Variants in NRF1 observed in about 807,000 individuals in gnomAD.
NRF1 encodes the protein alpha palindromic-binding protein.
Under a neutral mutation model 58.5 loss-of-function variants are expected in NRF1, and 5 were observed. The ratio of observed to expected loss-of-function variants is 0.09; its 90% confidence interval spans 0.04 to 0.18. The LOEUF is 0.18. NRF1 is among the 10% of genes least tolerant of loss of function. The probability of loss-of-function intolerance (pLI) is 1.00; values close to 1 mark genes in which losing one functional copy is unlikely to be tolerated. For missense variants in NRF1, 288 were observed against 657.7 expected, an observed-to-expected ratio of 0.44 and a Z score of 6.15; for synonymous variants, 224 against 246.7, an observed-to-expected ratio of 0.91 and a Z score of 0.86.
intron 2 of NRF1, among the ~76,000 whole-genome samples, chr7:129,663,492 G>GAT (rs1801840170): frequency 6.6e-6 from 1 of 151,026 alleles, no homozygotes; most frequent in African/African-American, 2.4e-5. Context: ...CCTCCCAGAC[G>GAT]GGGCGGCCGG....
intron 5 of NRF1, among the ~76,000 whole-genome samples, chr7:129,706,713 C>T (rs923826757): frequency 6.6e-6 from 1 of 151,978 alleles, no homozygotes; most frequent in African/African-American, 2.4e-5. Flanking sequence ...GTGGGAGAGC[C>T]GAAGGAAGAC....
intron 5 of NRF1, among the ~76,000 whole-genome samples, chr7:129,696,055 T>C (rs74990810): frequency 0.34 from 31,057 of 90,410 alleles, 6,424 homozygotes; most frequent in Middle Eastern, 0.46. Context: ...AAACCCCGTC[T>C]CTACTAAAAA....
intron 8 of NRF1, among the ~76,000 whole-genome samples, chr7:129,715,519 G>C (rs745361490): frequency 1.3e-5 from 2 of 152,160 alleles, no homozygotes. Flanking sequence ...ATTAGTTTCT[G>C]AGTTTAGCAG....
chr7:129,634,041 A>AAAATTTT (rs1163693215), intron 1 of NRF1, among the ~76,000 whole-genome samples: 4 of 113,808 alleles, frequency 3.5e-5, no homozygotes, highest in African/African-American at 1.5e-4. Context: ...AAAAAAAAAA[A>AAAATTTT]AGATATATAT....
At chr7:129,699,850 T>A (rs1278048725) in intron 5 of NRF1, among the ~76,000 whole-genome samples, 1 of 151,510 alleles carries the variant, frequency 6.6e-6, no homozygotes, top group Non-Finnish European at 1.5e-5. Context: ...TTTAAAGTTC[T>A]AGAAATAGGC....
At chr7:129,692,412 C>A (rs1802591447) in intron 5 of NRF1, among the ~76,000 whole-genome samples, 2 of 151,894 alleles carry the variant, frequency 1.3e-5, no homozygotes, top group Admixed American at 6.5e-5. Flanking sequence ...TTAGCTGGGG[C>A]CATGGTGGTG....
chr7:129,627,074 T>C (rs1431318905), intron 1 of NRF1, among the ~76,000 whole-genome samples: 1 of 152,242 alleles, frequency 6.6e-6, no homozygotes, highest in African/African-American at 2.4e-5. Flanking sequence ...AGTTTCCCTT[T>C]CTGGAAACCA....
intron 2 of NRF1, among the ~76,000 whole-genome samples, chr7:129,663,457 G>T (rs1324303067): frequency 2.7e-5 from 4 of 147,666 alleles, no homozygotes; most frequent in Admixed American, 2.0e-4. Context: ...CCAGACAATG[G>T]GCGGCCGAGC....
intron 1 of NRF1, among the ~76,000 whole-genome samples, chr7:129,649,315 C>T (rs1043654597): frequency 6.6e-6 from 1 of 152,134 alleles, no homozygotes; most frequent in Non-Finnish European, 1.5e-5. Flanking sequence ...TCCCCCCACC[C>T]CACCCCGGGT....
At chr7:129,710,264 A>AGGTTT in intron 6 of NRF1, 110 bp from the exon 7 acceptor site, 1 of 901,580 alleles carries the variant, frequency 1.1e-6, no homozygotes, top group South Asian at 1.5e-5. Flanking sequence ...GTCTAATAAG[A>AGGTTT]GGTTTGGTTT....
At chr7:129,645,866 C>T (rs772648213) in intron 1 of NRF1, among the ~76,000 whole-genome samples, 48 of 152,076 alleles carry the variant, frequency 3.2e-4, no homozygotes, top group Non-Finnish European at 6.2e-4. Context: ...TTTATGTATT[C>T]TGAGATACAG....
At chr7:129,671,870 A>G (rs1034995498) in intron 3 of NRF1, among the ~76,000 whole-genome samples, 1 of 152,214 alleles carries the variant, frequency 6.6e-6, no homozygotes, top group Non-Finnish European at 1.5e-5. Context: ...GAAAAAAACA[A>G]TATGCAATAT....
chr7:129,738,499 GT>G (rs751865207), intron 10 of NRF1, among the ~76,000 whole-genome samples: 1 of 152,168 alleles, frequency 6.6e-6, no homozygotes, highest in African/African-American at 2.4e-5. Context: ...AAGATGAATC[GT>G]TTTCATTCTG....
chr7:129,643,494 G>A (rs1429382270), intron 1 of NRF1, among the ~76,000 whole-genome samples: 3 of 152,192 alleles, frequency 2.0e-5, no homozygotes, highest in South Asian at 2.1e-4. Context: ...TAATTTGGGA[G>A]CAGCTGTGGA....
intron 1 of NRF1, among the ~76,000 whole-genome samples, chr7:129,655,785 G>T (rs1392867298): frequency 6.6e-6 from 1 of 152,126 alleles, no homozygotes; most frequent in Non-Finnish European, 1.5e-5. Flanking sequence ...GCCTCCCAAA[G>T]TGCTGGGATT....
intron 3 of NRF1, among the ~76,000 whole-genome samples, chr7:129,672,086 G>C (rs1363475588): frequency 6.6e-6 from 1 of 152,088 alleles, no homozygotes; most frequent in Non-Finnish European, 1.5e-5. Flanking sequence ...CTCAGGCAGG[G>C]TGAGTATCAA....
At chr7:129,658,619 G>C (rs1584615034) in intron 2 of NRF1, among the ~76,000 whole-genome samples, 2 of 149,100 alleles carry the variant, frequency 1.3e-5, no homozygotes, top group East Asian at 1.9e-4. Flanking sequence ...AAAAGGAAAA[G>C]CAAAACGTTG....
chr7:129,669,517 G>A (rs936546772), intron 2 of NRF1, among the ~76,000 whole-genome samples: 1 of 152,070 alleles, frequency 6.6e-6, no homozygotes, highest in Admixed American at 6.6e-5. Context: ...ATTCAACTTT[G>A]CACATATGTT....
Position 129,654,347 on chromosome 7 carries a change from C to G in NRF1, c.-6-2999C>G, listed in dbSNP as rs140923010. Among the ~76,000 whole-genome samples the G allele has an allele frequency of 1.7e-3, 258 of 152,012 alleles. 1 individual carries two copies. Among genetic ancestry groups the G allele is most frequent in the African/African-American group, 5.9e-3 (246 of 41,472 alleles). On this transcript the variant is annotated intron_variant, in intron 1 of 10. Coordinates refer to ENST00000393232, the MANE Select transcript of NRF1 (RefSeq NM_005011.5). The stretch of plus-strand genomic sequence containing the variant: ...CTTATTGTTGAGTTTTTAAGAATTC[C>G]TTATTTTGGATAACAATCCTTCTGA...
Sources: allele counts gnomAD v4.1 joint callset (sites outside exome capture counted in the v4.1 genomes callset), GRCh38; gene constraint gnomAD v4.1.1; transcripts MANE v1.5; gene names NCBI Gene and HGNC (gene_info 2026-07-23, HGNC 2026-07-21).